The following EIF4ENIF1 variants were observed in gnomAD, a reference collection of about 807,000 sequenced individuals.
EIF4ENIF1 encodes the protein eukaryotic translation initiation factor 4E nuclear import factor 1, also known as eukaryotic translation initiation factor 4E transporter.
EIF4ENIF1 carries 23 observed loss-of-function variants against 110.5 expected under a neutral mutation model. That is an observed-to-expected ratio of 0.21 (90% CI 0.15 to 0.29). EIF4ENIF1 has a LOEUF of 0.29. EIF4ENIF1 is among the 10% of genes least tolerant of loss of function. The pLI, the probability that EIF4ENIF1 is intolerant of heterozygous loss-of-function variation, is 1.00. For synonymous variants in EIF4ENIF1, 440 were observed against 437.0 expected (o/e 1.01, Z -0.09); for missense variants, 1,031 against 1,221.1 (o/e 0.84, Z 2.32).
At chr22:31,441,356 G>C (rs1296009558) in intron 17 of EIF4ENIF1, among the ~76,000 whole-genome samples, 1 of 151,938 alleles carries the variant, frequency 6.6e-6, no homozygotes, top group Non-Finnish European at 1.5e-5. Flanking sequence ...TGGGCAACAC[G>C]GTGAAATCCT....
intron 3 of EIF4ENIF1, among the ~76,000 whole-genome samples, chr22:31,470,415 G>A (rs960150919): frequency 1.3e-5 from 2 of 151,556 alleles, no homozygotes; most frequent in African/African-American, 2.4e-5. Context: ...CGAGTAGCTG[G>A]GACTATAGGC....
chr22:31,489,335 C>T (rs5998007), intron 1 of EIF4ENIF1: 31 of 152,850 alleles, frequency 2.0e-4, no homozygotes, highest in African/African-American at 6.7e-4. Context: ...CGCAGCCCCT[C>T]ACGCAGGCCC....
At chr22:31,491,571 GTTATT>G (rs1391124820), upstream of EIF4ENIF1, among the ~76,000 whole-genome samples, 1 of 152,120 alleles carries the variant, frequency 6.6e-6, no homozygotes, top group Non-Finnish European at 1.5e-5. Context: ...CACTGCTCTG[GTTATT>G]TTATTTTGGG....
chr22:31,443,739 G>A (rs956224030), intron 15 of EIF4ENIF1, among the ~76,000 whole-genome samples: 3 of 148,636 alleles, frequency 2.0e-5, no homozygotes, highest in East Asian at 2.0e-4. Flanking sequence ...ACGCAGCAAA[G>A]TTATTTTTTT....
rs575837497 is a variant in EIF4ENIF1 at position 31,464,180 on chromosome 22, C to T, written c.299-213G>A. 166 of 523,670 alleles carry T rather than the reference C, an allele frequency of 3.2e-4. No homozygotes were observed. The South Asian group carries it at 4.8e-3, about 15-fold the overall frequency. 32.4% of individuals were successfully genotyped at this position (523,670 alleles called of 1,614,324 possible). A position where few individuals can be genotyped will look rare whatever the true frequency, so the allele number is the denominator to read the frequency against. ...CTTCCTCTTTGCAGCAATAGAAGTA[C>T]GTCACGATAAATAATTTTCCATGAT... On this transcript the variant is annotated intron_variant, in intron 4 of 18. Transcript: ENST00000330125.
intron 6 of EIF4ENIF1, among the ~76,000 whole-genome samples, chr22:31,459,532 T>C (rs1034952903): frequency 6.6e-6 from 1 of 152,170 alleles, no homozygotes; most frequent in Non-Finnish European, 1.5e-5. Context: ...AATTGCTACC[T>C]TCTCTATAAT....
chr22:31,464,033 GT>G, intron 4 of EIF4ENIF1, 66 bp from the exon 5 acceptor site: 1 of 1,539,868 alleles, frequency 6.5e-7, no homozygotes, highest in Admixed American at 1.9e-5. Flanking sequence ...TTTTTAGATA[GT>G]ATGTCCATGA....
intron 2 of EIF4ENIF1, among the ~76,000 whole-genome samples, chr22:31,475,618 A>G (rs1310791413): frequency 6.6e-6 from 1 of 151,390 alleles, no homozygotes; most frequent in Non-Finnish European, 1.5e-5. Context: ...CAGGTGTGGT[A>G]GCGGACGCCT....
rs1052773974 is a variant in EIF4ENIF1 at position 31,478,481 on chromosome 22, A to G, written c.97-6564T>C. 2.8e-5 allele frequency among the ~76,000 whole-genome samples: 4 copies of G among 143,698 alleles called. No homozygotes were observed. In the Admixed American group the frequency reaches 2.9e-4, roughly 11 times the overall value. 94.3% of individuals were successfully genotyped at this position (143,698 alleles called of 152,430 possible). A position where few individuals can be genotyped will look rare whatever the true frequency, so the allele number is the denominator to read the frequency against. ...TAGTGAGCCGAGATCATGCCACAGC[A>G]CTACAGCATGGGTGACAGAGCAAGA... is the stretch of plus-strand genomic sequence containing the variant. On this transcript the variant is annotated intron_variant, in intron 2 of 18. Coordinates refer to ENST00000330125, the MANE Select transcript of EIF4ENIF1 (RefSeq NM_019843.4).
chr22:31,460,321 T>C (rs1193622445), intron 6 of EIF4ENIF1, among the ~76,000 whole-genome samples: 3 of 152,212 alleles, frequency 2.0e-5, no homozygotes, highest in Non-Finnish European at 4.4e-5. Flanking sequence ...TGGCACTGAT[T>C]TTTCCCTTAT....
At chr22:31,470,570 C>T (rs531479886) in intron 3 of EIF4ENIF1, among the ~76,000 whole-genome samples, 1 of 152,142 alleles carries the variant, frequency 6.6e-6, no homozygotes, top group South Asian at 2.1e-4. Flanking sequence ...TGAGCCACTG[C>T]ACCTGGCCCA....
chr22:31,463,834 A>C lies in EIF4ENIF1; in HGVS notation c.432T>G (p.Ser144Arg). ...RRSGSPLEKD[S>R]DGLRLLGGRR... is the part of the protein sequence containing the mutation. ...GTCCACCAAGCAGACGAAGCCCATC[A>C]CTATCTTTCTCTAATGGACTTCCTG... is the stretch of plus-strand genomic sequence containing the variant. Residue 144 changes from serine (S) to arginine (R), a missense_variant, in exon 5 of 19, where the codon AGT (serine) becomes AGG (arginine). Around this residue, in one of 3 missense-constraint regions of EIF4ENIF1, gnomAD observed 704 missense variants for 879.7 expected, o/e 0.80. Coordinates refer to ENST00000330125, the MANE Select transcript of EIF4ENIF1 (RefSeq NM_019843.4). The C allele has an allele frequency of 6.2e-7, 1 of 1,613,950 alleles. No homozygotes were observed. The highest frequency in any genetic ancestry group is 8.5e-7 in the Non-Finnish European group (1 of 1,180,006).
intron 3 of EIF4ENIF1, among the ~76,000 whole-genome samples, chr22:31,471,488 G>C (rs549522175): frequency 6.6e-6 from 1 of 152,194 alleles, no homozygotes; most frequent in South Asian, 2.1e-4. Flanking sequence ...CTAATTTTTT[G>C]TATTTTTAGT....
At chr22:31,464,926 A>G (rs1481661882) in intron 4 of EIF4ENIF1, among the ~76,000 whole-genome samples, 1 of 150,984 alleles carries the variant, frequency 6.6e-6, no homozygotes, top group Non-Finnish European at 1.5e-5. Flanking sequence ...TAAAACTTCT[A>G]CTCTTTGAAA....
chr22:31,464,721 TA>T lies in EIF4ENIF1; in HGVS notation c.299-755del, dbSNP rs1569088911. Among the ~76,000 whole-genome samples, 145 of 96,376 alleles carry T rather than the reference TA, an allele frequency of 1.5e-3. 19 individuals are homozygous for T. The highest frequency in any genetic ancestry group is 6.1e-3 in the East Asian group (26 of 4,268). 63.2% of individuals were successfully genotyped at this position (96,376 alleles called of 152,430 possible). A position where few individuals can be genotyped will look rare whatever the true frequency, so the allele number is the denominator to read the frequency against. ...AAAAATATATATATATATATATATA[TA>T]TATAAACAGATATATACAAAAATTA... On this transcript the variant is annotated intron_variant, in intron 4 of 18. Transcript: ENST00000330125.
chr22:31,441,228 G>A (rs966578835), intron 17 of EIF4ENIF1, among the ~76,000 whole-genome samples: 1 of 151,912 alleles, frequency 6.6e-6, no homozygotes, highest in Admixed American at 6.6e-5. Context: ...ACTCTAGCCT[G>A]GGCGACAGAG....
chr22:31,441,699 T>C, intron 17 of EIF4ENIF1, 75 bp downstream of exon 17: 3 of 1,261,272 alleles, frequency 2.4e-6, no homozygotes, highest in Non-Finnish European at 3.3e-6. Context: ...TCCCACATTA[T>C]AGCACTTCAT....
chr22:31,472,287 T>TA (rs2051407474), intron 2 of EIF4ENIF1, among the ~76,000 whole-genome samples: 3 of 151,676 alleles, frequency 2.0e-5, no homozygotes, highest in South Asian at 4.2e-4. Flanking sequence ...TTTTTTTTTT[T>TA]ACATGGAATC....
intron 4 of EIF4ENIF1, among the ~76,000 whole-genome samples, chr22:31,466,769 T>C (rs1189127226): frequency 6.6e-6 from 1 of 152,116 alleles, no homozygotes; most frequent in Admixed American, 6.6e-5. Flanking sequence ...TCAAATGGTA[T>C]ACTTTTTGTG....
Sources: allele counts gnomAD v4.1 joint callset (sites outside exome capture counted in the v4.1 genomes callset), GRCh38; gene constraint gnomAD v4.1.1; regional missense constraint gnomAD v4.1.1; transcripts MANE v1.5; gene names NCBI Gene and HGNC (gene_info 2026-07-23, HGNC 2026-07-21).